CDH1: variants seen among roughly 807,000 people sequenced by gnomAD.
CDH1 encodes cadherin-1.
Under a neutral mutation model 84.5 loss-of-function variants are expected in CDH1, and 35 were observed. That is an observed-to-expected ratio of 0.41 (90% CI 0.32 to 0.55). CDH1 has a LOEUF of 0.55. CDH1 is among the 20% of genes least tolerant of loss of function. The pLI, the probability that CDH1 is intolerant of heterozygous loss-of-function variation, is 0.19. For missense variants in CDH1, 994 were observed against 1,126.6 expected, an observed-to-expected ratio of 0.88 and a Z score of 1.68; for synonymous variants, 417 against 439.0, an observed-to-expected ratio of 0.95 and a Z score of 0.63.
At chr16:68,758,886 C>G (rs1169492384) in intron 2 of CDH1, among the ~76,000 whole-genome samples, 1 of 151,754 alleles carries the variant, frequency 6.6e-6, no homozygotes, top group African/African-American at 2.4e-5. Context: ...ACTTCCGCCT[C>G]CCGGGTTCAA....
intron 3 of CDH1, among the ~76,000 whole-genome samples, chr16:68,802,489 T>C (rs1391317968): frequency 6.6e-6 from 1 of 152,142 alleles, no homozygotes; most frequent in Non-Finnish European, 1.5e-5. Flanking sequence ...TCTCTCTTTT[T>C]TTTTTAAGAC....
chr16:68,741,498 T>G (rs953095112), intron 2 of CDH1, among the ~76,000 whole-genome samples: 1 of 152,298 alleles, frequency 6.6e-6, no homozygotes, highest in African/African-American at 2.4e-5. Context: ...TGTCACTTTT[T>G]GTGCACAGGC....
chr16:68,816,879 G>A (rs767476669), intron 10 of CDH1, among the ~76,000 whole-genome samples: 1 of 152,210 alleles, frequency 6.6e-6, no homozygotes, highest in Non-Finnish European at 1.5e-5. Context: ...TTAAAAGAAT[G>A]ATGAAAAGTC....
intron 3 of CDH1, among the ~76,000 whole-genome samples, chr16:68,804,770 T>C (rs1175809470): frequency 6.6e-6 from 1 of 151,630 alleles, no homozygotes; most frequent in Non-Finnish European, 1.5e-5. Flanking sequence ...GCTTTCATTA[T>C]ATATTGATTA....
intron 5 of CDH1, among the ~76,000 whole-genome samples, chr16:68,809,751 C>T (rs1286853259): frequency 6.6e-6 from 1 of 152,076 alleles, no homozygotes; most frequent in African/African-American, 2.4e-5. Context: ...GTCTTGAAAT[C>T]TTGAGCTCAA....
chr16:68,779,133 G>A (rs956933205), intron 2 of CDH1, among the ~76,000 whole-genome samples: 6 of 152,194 alleles, frequency 3.9e-5, no homozygotes, highest in Non-Finnish European at 7.3e-5. Context: ...TGCTCTAAAT[G>A]GGCCTGGTCA....
chr16:68,745,974 C>T (rs1021256358), intron 2 of CDH1, among the ~76,000 whole-genome samples: 5 of 152,146 alleles, frequency 3.3e-5, no homozygotes, highest in Non-Finnish European at 5.9e-5. Flanking sequence ...TGCACCACTA[C>T]GCCTGGCAAT....
intron 2 of CDH1, among the ~76,000 whole-genome samples, chr16:68,779,432 C>A (rs990106999): frequency 7.9e-5 from 12 of 152,350 alleles, no homozygotes; most frequent in African/African-American, 2.6e-4. Context: ...GCTACGTGGC[C>A]TTGGGCAAAT....
intron 12 of CDH1, 161 bp from the exon 13 acceptor site, chr16:68,823,238 A>C (rs1192843775): frequency 3.1e-5 from 3 of 97,542 alleles, no homozygotes; most frequent in African/African-American, 8.9e-5. Context: ...TTTTTACAGC[A>C]AAAAAAAAAA....
At chr16:68,829,959 CT>C (rs35566564) in intron 15 of CDH1, among the ~76,000 whole-genome samples, 162 bp downstream of exon 15, 131 of 107,956 alleles carry the variant, frequency 1.2e-3, no homozygotes, top group Middle Eastern at 4.0e-3. Context: ...TTTTCTTTTT[CT>C]TTTTTTTTTT....
intron 2 of CDH1, among the ~76,000 whole-genome samples, chr16:68,796,547 G>A (rs1321323906): frequency 6.6e-6 from 1 of 152,176 alleles, no homozygotes; most frequent in East Asian, 1.9e-4. Context: ...AAGGAATGTT[G>A]CTGAATGCTC....
At chr16:68,830,816 G>A (rs1269484658) in intron 15 of CDH1, among the ~76,000 whole-genome samples, 1 of 152,114 alleles carries the variant, frequency 6.6e-6, no homozygotes, top group Admixed American at 6.5e-5. Context: ...CAAGGGAGTT[G>A]TCCAACCAGT....
At chr16:68,805,346 C>G (rs1275174473) in intron 3 of CDH1, among the ~76,000 whole-genome samples, 1 of 152,088 alleles carries the variant, frequency 6.6e-6, no homozygotes, top group Non-Finnish European at 1.5e-5. Context: ...TGAGGGATCA[C>G]TTCCACGTGC....
At chr16:68,766,236 G>T (rs1959379870) in intron 2 of CDH1, among the ~76,000 whole-genome samples, 1 of 152,146 alleles carries the variant, frequency 6.6e-6, no homozygotes, top group African/African-American at 2.4e-5. Context: ...TCCAGCCTGG[G>T]CGACAGAGTG....
rs587781783 is a variant in CDH1, at chr16:68,813,475, G to C, written c.1300G>C (p.Gly434Arg). 7 of 1,614,058 alleles carry C rather than the reference G, an allele frequency of 4.3e-6. No homozygotes were observed. Among genetic ancestry groups the C allele is most frequent in the Non-Finnish European group, 5.1e-6 (6 of 1,180,044 alleles). Residue 434 changes from glycine (G) to arginine (R), a missense_variant, in exon 9 of 16, where the codon GGC (glycine) becomes CGC (arginine). Physicochemically the swap from Gly to Arg is moderately radical, Grantham distance 125 (BLOSUM62 -2). Around this residue, in one of 3 missense-constraint regions of CDH1, gnomAD observed 769 missense variants for 881.8 expected, o/e 0.87. Coordinates refer to ENST00000261769, the MANE Select transcript of CDH1 (RefSeq NM_004360.5). ...VVTTNPVNND[G>R]ILKTAKGLDF... The stretch of plus-strand genomic sequence containing the variant: ...CACCACAAATCCAGTGAACAACGAT[G>C]GCATTTTGAAAACAGCAAAGGTTTG...
intron 13 of CDH1, among the ~76,000 whole-genome samples, chr16:68,827,853 G>A (rs1596970256): frequency 6.6e-6 from 1 of 152,074 alleles, no homozygotes; most frequent in Non-Finnish European, 1.5e-5. Context: ...TCCTGCCTCA[G>A]GACCTCTGTC....
At chr16:68,821,707 C>G (rs1325461360) in intron 11 of CDH1, among the ~76,000 whole-genome samples, 1 of 152,106 alleles carries the variant, frequency 6.6e-6, no homozygotes, top group Non-Finnish European at 1.5e-5. Context: ...AGTTAAAATT[C>G]AGTGAATGAA....
At position 68,815,558 on chromosome 16, in the gene CDH1, C is replaced by G. The variant is rs532576241; in HGVS notation, c.1364C>G (p.Ala455Gly). Residue 455 changes from alanine (A) to glycine (G), a missense_variant, in exon 10 of 16, where the codon GCA becomes GGA. This residue lies in a region of CDH1 where 769 missense variants were observed against 881.8 expected (regional missense o/e 0.87). Coordinates refer to ENST00000261769, the MANE Select transcript of CDH1 (RefSeq NM_004360.5). ...EAKQQYILHV[A>G]VTNVVPFEVS... is the part of the protein sequence containing the mutation. ...AAGCAGCAGTACATTCTACACGTAG[C>G]AGTGACGAATGTGGTACCTTTTGAG... 2.5e-6 allele frequency: 4 copies of G among 1,614,162 alleles called. No homozygotes were observed. In the African/African-American group the frequency reaches 4.0e-5, roughly 16 times the overall value.
chr16:68,778,791 A>G (rs1959799495), intron 2 of CDH1, among the ~76,000 whole-genome samples: 1 of 152,148 alleles, frequency 6.6e-6, no homozygotes, highest in East Asian at 1.9e-4. Flanking sequence ...ATGAGAAGGG[A>G]AAGAGTATTT....
Sources: gnomAD v4.1 joint callset for allele counts (sites outside exome capture counted in the v4.1 genomes callset) on GRCh38, gnomAD v4.1.1 for gene constraint, gnomAD v4.1.1 regional missense constraint, MANE v1.5 for transcripts, NCBI Gene and HGNC (gene_info 2026-07-23, HGNC 2026-07-21) for gene names.